BAZ2B: variants seen among roughly 807,000 people sequenced by gnomAD.
BAZ2B encodes the protein bromodomain adjacent to zinc finger domain 2B.
Under a neutral mutation model 246.0 loss-of-function variants are expected in BAZ2B, and 91 were observed. That is an observed-to-expected ratio of 0.37 (90% CI 0.31 to 0.44). BAZ2B has a LOEUF of 0.44. Among genes scored for constraint, BAZ2B ranks in the 20% least tolerant of loss-of-function variants. BAZ2B has a pLI of 1.00. For synonymous variants in BAZ2B, 855 were observed against 860.0 expected, an observed-to-expected ratio of 0.99 and a Z score of 0.10; for missense variants, 2,332 against 2,533.7, an observed-to-expected ratio of 0.92 and a Z score of 1.71.
chr2:159,706,084 A>AAC, the BAZ2B span, among the ~76,000 whole-genome samples: 60,651 of 149,682 alleles, frequency 0.41, 12,689 homozygotes, highest in African/African-American at 0.5. Flanking sequence ...AAACATATAT[A>AAC]ACACACACAC....
intron 16 of BAZ2B, among the ~76,000 whole-genome samples, chr2:159,403,722 G>C (rs1176386436): frequency 6.6e-6 from 1 of 152,140 alleles, no homozygotes; most frequent in Non-Finnish European, 1.5e-5. Flanking sequence ...ACACTGTGTA[G>C]TTGGATGTTT....
At chr2:159,463,219 T>C (rs1422242796) in intron 3 of BAZ2B, 2 of 496,190 alleles carry the variant, frequency 4.0e-6, no homozygotes, top group South Asian at 1.8e-5. Flanking sequence ...TATGCATACC[T>C]TCTCCTTATC....
chr2:159,674,369 AGGAAG>A, the BAZ2B span, among the ~76,000 whole-genome samples: 47 of 147,240 alleles, frequency 3.2e-4, 1 homozygote, highest in East Asian at 4.5e-3. Flanking sequence ...GAAAAGGAAA[AGGAAG>A]GGAAGGGAAG....
chr2:159,417,554 T>C (rs2067972741), intron 13 of BAZ2B, among the ~76,000 whole-genome samples: 1 of 151,372 alleles, frequency 6.6e-6, no homozygotes, highest in Non-Finnish European at 1.5e-5. Flanking sequence ...TTCACTTCTA[T>C]AAATACTACA....
intron 1 of BAZ2B, among the ~76,000 whole-genome samples, chr2:159,556,396 AG>A (rs989731339): frequency 4.6e-5 from 7 of 152,240 alleles, no homozygotes; most frequent in African/African-American, 1.7e-4. Context: ...AATTTAGAAC[AG>A]GAAAAAACTA....
chr2:159,601,556 A>G (rs1441098083), intron 1 of BAZ2B, among the ~76,000 whole-genome samples: 2 of 152,172 alleles, frequency 1.3e-5, no homozygotes, highest in Non-Finnish European at 2.9e-5. Context: ...CCCCGCCTCT[A>G]CTAAAAATAC....
intron 1 of BAZ2B, among the ~76,000 whole-genome samples, chr2:159,581,727 G>C (rs1578605828): frequency 6.6e-6 from 1 of 152,050 alleles, no homozygotes; most frequent in African/African-American, 2.4e-5. Flanking sequence ...ATACACCATG[G>C]AATACTATGC....
At chr2:159,427,888 G>A (rs2070277727) in intron 13 of BAZ2B, 53 bp downstream of exon 13, 1 of 1,397,604 alleles carries the variant, frequency 7.2e-7, no homozygotes, top group Admixed American at 1.7e-5. Flanking sequence ...ACTTCATTTA[G>A]GTTATGGTAC....
At chr2:159,510,829 G>A (rs1016298697) in intron 2 of BAZ2B, among the ~76,000 whole-genome samples, 1 of 152,008 alleles carries the variant, frequency 6.6e-6, no homozygotes, top group Non-Finnish European at 1.5e-5. Context: ...TCCAATGACC[G>A]CTCTCTTACT....
chr2:159,338,333 T>C (rs1212866993), intron 31 of BAZ2B, among the ~76,000 whole-genome samples: 2 of 152,216 alleles, frequency 1.3e-5, no homozygotes, highest in African/African-American at 2.4e-5. Context: ...TCCTGACCTC[T>C]TTCAGGAGCT....
the BAZ2B span, among the ~76,000 whole-genome samples, chr2:159,635,331 T>C: frequency 0.54 from 82,399 of 151,442 alleles, 23,261 homozygotes; most frequent in East Asian, 0.74. Flanking sequence ...TTGCTACTTT[T>C]ACAGAGTAAG....
chr2:159,491,652 C>T (rs1204305766), intron 2 of BAZ2B, among the ~76,000 whole-genome samples: 7 of 125,698 alleles, frequency 5.6e-5, no homozygotes, highest in African/African-American at 1.8e-4. Flanking sequence ...ACCCGGGAGG[C>T]GGAGCTTGCA....
At chr2:159,707,119 C>T in the BAZ2B span, among the ~76,000 whole-genome samples, 1 of 152,024 alleles carries the variant, frequency 6.6e-6, no homozygotes, top group African/African-American at 2.4e-5. Flanking sequence ...ATATATAATG[C>T]ACAACAATAG....
intron 3 of BAZ2B, among the ~76,000 whole-genome samples, chr2:159,472,845 G>A (rs1157919412): frequency 3.9e-5 from 6 of 152,134 alleles, no homozygotes; most frequent in East Asian, 1.9e-4. Flanking sequence ...TGACTTGATC[G>A]TGGTGGATAA....
the BAZ2B span, among the ~76,000 whole-genome samples, chr2:159,634,468 C>T: frequency 6.6e-6 from 1 of 152,264 alleles, no homozygotes; most frequent in South Asian, 2.1e-4. Flanking sequence ...GGTAATTATC[C>T]ATTAGCATGC....
At chr2:159,546,156 T>C (rs1156358466) in intron 2 of BAZ2B, among the ~76,000 whole-genome samples, 1 of 152,130 alleles carries the variant, frequency 6.6e-6, no homozygotes, top group Non-Finnish European at 1.5e-5. Context: ...TTTGGCTGCG[T>C]CCCTGTCCAA....
intron 1 of BAZ2B, among the ~76,000 whole-genome samples, chr2:159,571,780 C>G (rs1341355630): frequency 2.0e-5 from 3 of 152,160 alleles, no homozygotes; most frequent in Non-Finnish European, 4.4e-5. Context: ...TCCATCATAA[C>G]AGGATGGAAG....
At chr2:159,448,064 CA>C (rs1368350844) in intron 5 of BAZ2B, among the ~76,000 whole-genome samples, 177 bp downstream of exon 5, 2 of 152,008 alleles carry the variant, frequency 1.3e-5, no homozygotes, top group African/African-American at 4.8e-5. Flanking sequence ...GACGAGGCTA[CA>C]GTAAGCTATG....
At chr2:159,643,313 A>AAT in the BAZ2B span, among the ~76,000 whole-genome samples, 1 of 152,156 alleles carries the variant, frequency 6.6e-6, no homozygotes, top group Non-Finnish European at 1.5e-5. Context: ...CTTGGCTTAT[A>AAT]CGCAGCCACC....
Sources: allele counts gnomAD v4.1 joint callset (sites outside exome capture counted in the v4.1 genomes callset), GRCh38; gene constraint gnomAD v4.1.1; transcripts MANE v1.5; gene names NCBI Gene and HGNC (gene_info 2026-07-23, HGNC 2026-07-21).